PRR16: variants seen among roughly 807,000 people sequenced by gnomAD.
The protein encoded by PRR16 is protein Largen.
PRR16 carries 6 observed loss-of-function variants against 18.2 expected under a neutral mutation model. The observed-to-expected ratio is 0.33, with a 90% CI of 0.18 to 0.65. The LOEUF is 0.65. Ranked by LOEUF, PRR16 falls within the 30% of genes least tolerant of loss-of-function variation. PRR16 has a pLI of 0.74. For missense variants in PRR16, 412 were observed against 376.6 expected, an observed-to-expected ratio of 1.09 and a Z score of -0.78; for synonymous variants, 151 against 147.8, an observed-to-expected ratio of 1.02 and a Z score of -0.16.
chr5:120,763,197 A>C, the PRR16 span, among the ~76,000 whole-genome samples: 60 of 151,666 alleles, frequency 4.0e-4, no homozygotes, highest in Middle Eastern at 3.4e-3. Flanking sequence ...CCCAGGCTGG[A>C]GTTCAGTGGC....
At position 120,481,280 on chromosome 5, in the gene PRR16, G is replaced by T. The variant is rs560525402; in HGVS notation, c.159+16635G>T. The T allele has an allele frequency of 1.5e-3, 675 of 453,084 alleles. 11 individuals carry two copies. Among genetic ancestry groups the T allele is most frequent in the South Asian group, 0.01 (655 of 63,840 alleles). The allele number at this position is 453,084 out of a possible 1,614,324, so 28.1% of individuals were successfully genotyped here. A position where few individuals can be genotyped will look rare whatever the true frequency, so the allele number is the denominator to read the frequency against. On this transcript the variant is annotated intron_variant, in intron 1 of 1. Coordinates refer to ENST00000407149, the MANE Select transcript of PRR16 (RefSeq NM_001300783.2). Reference sequence around the variant, plus strand: ...CTCCTGCCTCAGCCTGCCTCAGTGCGCCACTACGCCTGGGTAAGTTTTGTA... The same window carrying T: ...CTCCTGCCTCAGCCTGCCTCAGTGCTCCACTACGCCTGGGTAAGTTTTGTA...
chr5:120,627,731 A>G (rs995892766), intron 1 of PRR16, among the ~76,000 whole-genome samples: 1 of 152,112 alleles, frequency 6.6e-6, no homozygotes, highest in Non-Finnish European at 1.5e-5. Flanking sequence ...AGGTGTAATT[A>G]GGCTCTGATG....
At chr5:120,772,585 T>C in the PRR16 span, among the ~76,000 whole-genome samples, 1 of 151,836 alleles carries the variant, frequency 6.6e-6, no homozygotes, top group Non-Finnish European at 1.5e-5. Context: ...AACTTCTTTA[T>C]TCTTTCTCAC....
the PRR16 span, among the ~76,000 whole-genome samples, chr5:120,767,518 TGTTCTC>T: frequency 1.3e-5 from 2 of 151,934 alleles, no homozygotes; most frequent in Non-Finnish European, 2.9e-5. Context: ...CAGCATTAGC[TGTTCTC>T]CTTCACTCCA....
At chr5:120,660,920 T>G (rs1400392069) in intron 1 of PRR16, among the ~76,000 whole-genome samples, 1 of 152,136 alleles carries the variant, frequency 6.6e-6, no homozygotes, top group Non-Finnish European at 1.5e-5. Flanking sequence ...GTCATTTTGC[T>G]TTTTTATTTG....
intron 1 of PRR16, among the ~76,000 whole-genome samples, chr5:120,535,133 A>G (rs941901995): frequency 2.6e-5 from 4 of 151,660 alleles, no homozygotes; most frequent in South Asian, 2.1e-4. Flanking sequence ...GCTGTTGTCT[A>G]TTGCTTTGCT....
At chr5:120,778,160 C>CTAAT in the PRR16 span, among the ~76,000 whole-genome samples, 1 of 151,894 alleles carries the variant, frequency 6.6e-6, no homozygotes, top group Non-Finnish European at 1.5e-5. Context: ...AGTTATTTGT[C>CTAAT]TAATTTACAA....
chr5:120,539,266 T>G (rs937010848), intron 1 of PRR16, among the ~76,000 whole-genome samples: 1 of 151,286 alleles, frequency 6.6e-6, no homozygotes, highest in African/African-American at 2.4e-5. Context: ...TAATATTTTT[T>G]CTAAATATTT....
chr5:120,726,746 C>T, the PRR16 span, among the ~76,000 whole-genome samples: 1 of 151,996 alleles, frequency 6.6e-6, no homozygotes, highest in Non-Finnish European at 1.5e-5. Flanking sequence ...CCTCTTCTGA[C>T]TGACATGTCC....
At chr5:120,468,675 T>G (rs1749177714) in intron 1 of PRR16, among the ~76,000 whole-genome samples, 1 of 152,230 alleles carries the variant, frequency 6.6e-6, no homozygotes. Context: ...GTAAACTATT[T>G]TGCATTAAAT....
intron 1 of PRR16, among the ~76,000 whole-genome samples, chr5:120,643,747 G>A (rs1040997172): frequency 6.6e-6 from 1 of 152,074 alleles, no homozygotes; most frequent in African/African-American, 2.4e-5. Context: ...GCTCACACCT[G>A]CAATTACAGC....
intron 1 of PRR16, among the ~76,000 whole-genome samples, chr5:120,483,729 A>C (rs1749696979): frequency 6.6e-6 from 1 of 152,138 alleles, no homozygotes; most frequent in Non-Finnish European, 1.5e-5. Context: ...TGTCAGTAAA[A>C]TTTTAAATTA....
intron 1 of PRR16, among the ~76,000 whole-genome samples, chr5:120,526,088 C>G (rs1310456553): frequency 6.6e-6 from 1 of 152,040 alleles, no homozygotes; most frequent in Non-Finnish European, 1.5e-5. Context: ...GGAAGTTTAC[C>G]TATGGTATGA....
chr5:120,669,584 T>A (rs1048355901), intron 1 of PRR16, among the ~76,000 whole-genome samples: 40 of 152,128 alleles, frequency 2.6e-4, no homozygotes, highest in Non-Finnish European at 2.9e-5. Context: ...CCCATATATC[T>A]AATCCTCCAC....
At chr5:120,711,559 C>G in the PRR16 span, among the ~76,000 whole-genome samples, 3 of 152,168 alleles carry the variant, frequency 2.0e-5, no homozygotes, top group Admixed American at 1.3e-4. Context: ...GGATATTAAT[C>G]AGTATGTCAC....
intron 1 of PRR16, among the ~76,000 whole-genome samples, chr5:120,654,445 A>G (rs1281632719): frequency 6.6e-6 from 1 of 151,794 alleles, no homozygotes; most frequent in East Asian, 1.9e-4. Context: ...ATAACAAACT[A>G]CTTGACACAT....
At chr5:120,769,418 T>G in the PRR16 span, among the ~76,000 whole-genome samples, 1 of 151,836 alleles carries the variant, frequency 6.6e-6, no homozygotes, top group Admixed American at 6.6e-5. Context: ...AATATCATAT[T>G]GTTAACTATG....
intron 1 of PRR16, among the ~76,000 whole-genome samples, chr5:120,487,461 T>G (rs556947698): frequency 4.6e-5 from 7 of 152,304 alleles, no homozygotes; most frequent in African/African-American, 1.4e-4. Flanking sequence ...CTGTTATTGG[T>G]GTATAAGAAT....
chr5:120,692,222 T>A (rs2150159098), downstream of PRR16, among the ~76,000 whole-genome samples: 1 of 152,288 alleles, frequency 6.6e-6, no homozygotes, highest in South Asian at 2.1e-4. Flanking sequence ...ATAAACGTAT[T>A]TCTGTGTTAG....
Sources: allele counts gnomAD v4.1 joint callset (sites outside exome capture counted in the v4.1 genomes callset), GRCh38; gene constraint gnomAD v4.1.1; transcripts MANE v1.5; gene names NCBI Gene and HGNC (gene_info 2026-07-23, HGNC 2026-07-21).